The following CDH13 variants were observed in gnomAD, a reference collection of about 807,000 sequenced individuals.
The protein encoded by CDH13 is cadherin-13.
Under a neutral mutation model 63.8 loss-of-function variants are expected in CDH13, and 24 were observed. The observed-to-expected ratio is 0.38, with a 90% CI of 0.27 to 0.53. The LOEUF is 0.53. CDH13 is among the 20% of genes least tolerant of loss of function. CDH13 has a pLI of 0.85. For missense variants in CDH13, 1,049 were observed against 903.1 expected (o/e 1.16, Z -2.07); for synonymous variants, 503 against 355.3 (o/e 1.42, Z -4.67).
intron 1 of CDH13, among the ~76,000 whole-genome samples, chr16:82,734,943 T>C (rs916895233): frequency 7.9e-5 from 12 of 152,132 alleles, no homozygotes; most frequent in African/African-American, 2.7e-4. Flanking sequence ...CACATCACAA[T>C]GTCCAGCACA....
intron 5 of CDH13, among the ~76,000 whole-genome samples, chr16:83,276,138 C>T (rs565736432): frequency 3.9e-5 from 6 of 152,296 alleles, no homozygotes; most frequent in African/African-American, 1.2e-4. Flanking sequence ...CCCACACTCT[C>T]AGGCTGTTGT....
chr16:83,349,146 A>G (rs2090899970), intron 6 of CDH13, among the ~76,000 whole-genome samples: 1 of 152,252 alleles, frequency 6.6e-6, no homozygotes, highest in African/African-American at 2.4e-5. Flanking sequence ...TCAGCAGAAC[A>G]TAATGGTCTT....
chr16:83,327,982 A>C (rs56903387), intron 5 of CDH13, among the ~76,000 whole-genome samples: 116 of 152,128 alleles, frequency 7.6e-4, no homozygotes, highest in African/African-American at 2.5e-3. Flanking sequence ...AATATGAAAA[A>C]ATTAGCAGGG....
chr16:82,822,236 A>T (rs2151097054), intron 1 of CDH13, among the ~76,000 whole-genome samples: 1 of 152,356 alleles, frequency 6.6e-6, no homozygotes, highest in East Asian at 1.9e-4. Context: ...ATGTCTATCA[A>T]AAGAACACAG....
At chr16:83,557,668 C>T (rs1000349231) in intron 7 of CDH13, among the ~76,000 whole-genome samples, 1 of 152,070 alleles carries the variant, frequency 6.6e-6, no homozygotes, top group Non-Finnish European at 1.5e-5. Flanking sequence ...CTGGGAGGTA[C>T]TGGGAGGTGT....
intron 2 of CDH13, among the ~76,000 whole-genome samples, chr16:82,895,866 A>G (rs906572957): frequency 3.3e-5 from 5 of 152,214 alleles, no homozygotes; most frequent in Admixed American, 6.5e-5. Flanking sequence ...AAGCCAGTAC[A>G]CATGGGAGAG....
At chr16:82,896,650 A>G (rs2041276580) in intron 2 of CDH13, among the ~76,000 whole-genome samples, 1 of 151,932 alleles carries the variant, frequency 6.6e-6, no homozygotes, top group Non-Finnish European at 1.5e-5. Context: ...TGGGAGATCA[A>G]ATGAGGTGGG....
intron 3 of CDH13, among the ~76,000 whole-genome samples, chr16:83,033,050 A>G (rs1279244991): frequency 3.9e-5 from 6 of 152,208 alleles, no homozygotes; most frequent in Non-Finnish European, 8.8e-5. Context: ...TTGTACATGT[A>G]TGTGTATACC....
chr16:82,956,851 G>A (rs534707699), intron 2 of CDH13, among the ~76,000 whole-genome samples: 4 of 152,326 alleles, frequency 2.6e-5, no homozygotes, highest in African/African-American at 9.6e-5. Context: ...CCATAGCAAA[G>A]ATTCAAATGT....
intron 1 of CDH13, among the ~76,000 whole-genome samples, chr16:82,842,121 T>TATAC (rs1880646000): frequency 2.1e-5 from 1 of 46,990 alleles, no homozygotes; most frequent in Non-Finnish European, 5.0e-5. Flanking sequence ...TGTATATATA[T>TATAC]ATATATATAT....
chr16:82,775,615 G>A (rs2035457628), intron 1 of CDH13, among the ~76,000 whole-genome samples: 1 of 152,182 alleles, frequency 6.6e-6, no homozygotes, highest in Non-Finnish European at 1.5e-5. Flanking sequence ...AAGCCTCAGA[G>A]AGGTTAAGTA....
chr16:82,832,472 G>T (rs1458749440), intron 1 of CDH13, among the ~76,000 whole-genome samples: 1 of 151,010 alleles, frequency 6.6e-6, no homozygotes, highest in Non-Finnish European at 1.5e-5. Flanking sequence ...CCTCCTTATT[G>T]TGTTGCTCTA....
At chr16:82,963,069 T>C (rs1030252465) in intron 2 of CDH13, among the ~76,000 whole-genome samples, 7 of 152,120 alleles carry the variant, frequency 4.6e-5, no homozygotes, top group African/African-American at 1.4e-4. Flanking sequence ...TTAACCAACA[T>C]GTATGGTGTT....
At chr16:83,540,196 C>T (rs780476374) in intron 7 of CDH13, among the ~76,000 whole-genome samples, 1 of 151,750 alleles carries the variant, frequency 6.6e-6, no homozygotes, top group Non-Finnish European at 1.5e-5. Flanking sequence ...TCCCGAGTAG[C>T]TGGTGTTGGA....
intron 1 of CDH13, among the ~76,000 whole-genome samples, chr16:82,663,810 A>G (rs2150930264): frequency 6.6e-6 from 1 of 152,206 alleles, no homozygotes; most frequent in Non-Finnish European, 1.5e-5. Flanking sequence ...CCCCTTTGTG[A>G]TCCTCTTCTA....
intron 5 of CDH13, among the ~76,000 whole-genome samples, chr16:83,340,226 T>C (rs1159935757): frequency 6.6e-6 from 1 of 152,184 alleles, no homozygotes; most frequent in Admixed American, 6.6e-5. Flanking sequence ...AAAAAATTGA[T>C]GTTTATGGGA....
intron 4 of CDH13, among the ~76,000 whole-genome samples, chr16:83,197,692 G>C (rs1358092085): frequency 6.6e-6 from 1 of 152,096 alleles, no homozygotes; most frequent in Non-Finnish European, 1.5e-5. Flanking sequence ...GGATGGAATG[G>C]CCTTGTATCT....
chr16:82,678,095 C>T (rs1436376926), intron 1 of CDH13, among the ~76,000 whole-genome samples: 1 of 152,136 alleles, frequency 6.6e-6, no homozygotes, highest in Non-Finnish European at 1.5e-5. Flanking sequence ...TCTACACTGG[C>T]CTCCCAAGTC....
At chr16:83,548,164 G>A (rs919377815) in intron 7 of CDH13, among the ~76,000 whole-genome samples, 4 of 152,102 alleles carry the variant, frequency 2.6e-5, no homozygotes, top group Admixed American at 6.5e-5. Context: ...AAACCTAGTG[G>A]GGGTGCCAGG....
Sources: allele counts gnomAD v4.1 joint callset (sites outside exome capture counted in the v4.1 genomes callset), GRCh38; gene constraint gnomAD v4.1.1; transcripts MANE v1.5; gene names NCBI Gene and HGNC (gene_info 2026-07-23, HGNC 2026-07-21).